Variants in LRP1B observed in about 807,000 individuals in gnomAD.
LRP1B encodes the protein low-density lipoprotein receptor-related protein 1B.
LRP1B carries 217 observed loss-of-function variants against 556.6 expected under a neutral mutation model. The ratio of observed to expected loss-of-function variants is 0.39; its 90% confidence interval spans 0.35 to 0.44. The LOEUF is 0.44. LRP1B is among the 20% of genes least tolerant of loss of function. The pLI, the probability that LRP1B is intolerant of heterozygous loss-of-function variation, is 1.00. For synonymous variants in LRP1B, 2,047 were observed against 1,865.8 expected (o/e 1.10, Z -2.50); for missense variants, 5,053 against 5,620.8 (o/e 0.90, Z 3.23).
Position 141,923,446 on chromosome 2 carries a change from A to ATATGTGTG in LRP1B, c.83-113046_83-113045insCACACATA, listed in dbSNP as rs751676259. 5.0e-3 allele frequency among the ~76,000 whole-genome samples: 408 copies of ATATGTGTG among 81,688 alleles called. 5 individuals are homozygous for ATATGTGTG. Among genetic ancestry groups the ATATGTGTG allele is most frequent in the East Asian group, 7.8e-3 (21 of 2,688 alleles). The allele number at this position is 81,688 out of a possible 152,430, so 53.6% of individuals were successfully genotyped here. The stretch of plus-strand genomic sequence containing the variant: ...ATAGTGACAAAGAGATTATATATAT[A>ATATGTGTG]TGTGTGTGTGTGTGTGTGTGTGTGT... On this transcript the variant is annotated intron_variant, in intron 1 of 90. Transcript: ENST00000389484.
At chr2:141,085,418 A>G (rs1033603162) in intron 7 of LRP1B, among the ~76,000 whole-genome samples, 2 of 152,214 alleles carry the variant, frequency 1.3e-5, no homozygotes, top group African/African-American at 2.4e-5. Flanking sequence ...TGAGGACATT[A>G]GTCTGCACAC....
chr2:140,667,770 C>A (rs940848245), intron 41 of LRP1B, among the ~76,000 whole-genome samples: 15 of 152,174 alleles, frequency 9.9e-5, no homozygotes, highest in Admixed American at 9.8e-4. Flanking sequence ...TCAGAATATA[C>A]GCTTTTTTGC....
chr2:141,649,337 A>T (rs949445733), intron 2 of LRP1B, among the ~76,000 whole-genome samples: 1 of 152,186 alleles, frequency 6.6e-6, no homozygotes, highest in Non-Finnish European at 1.5e-5. Context: ...AACTTTGAAA[A>T]TCCCATTGTT....
intron 29 of LRP1B, among the ~76,000 whole-genome samples, chr2:140,842,940 G>C (rs17517552): frequency 6.6e-6 from 1 of 151,718 alleles, no homozygotes; most frequent in Non-Finnish European, 1.5e-5. Flanking sequence ...ATATGGGGCT[G>C]AAGAATATTT....
intron 35 of LRP1B, among the ~76,000 whole-genome samples, chr2:140,764,839 C>T (rs79671283): frequency 0.015 from 2,219 of 152,246 alleles, 77 homozygotes; most frequent in Admixed American, 0.076. Flanking sequence ...TGGTGTTATA[C>T]ATTCTGTGGA....
chr2:141,914,164 A>G (rs1239590900), intron 1 of LRP1B, among the ~76,000 whole-genome samples: 1 of 152,248 alleles, frequency 6.6e-6, no homozygotes, highest in African/African-American at 2.4e-5. Flanking sequence ...GAGTAAGGTA[A>G]TGTTTATAAA....
At chr2:140,447,378 G>A (rs72897872) in intron 63 of LRP1B, among the ~76,000 whole-genome samples, 36,491 of 151,550 alleles carry the variant, frequency 0.24, 4,708 homozygotes, top group Non-Finnish European at 0.28. Flanking sequence ...CAAATATCAC[G>A]ATAAAGCATG....
chr2:141,948,911 T>A (rs951339964), intron 1 of LRP1B, among the ~76,000 whole-genome samples: 1 of 152,272 alleles, frequency 6.6e-6, no homozygotes, highest in East Asian at 1.9e-4. Context: ...AGATTCAATT[T>A]AATCTTTGAT....
chr2:141,929,806 G>A (rs2104991823), intron 1 of LRP1B, among the ~76,000 whole-genome samples: 1 of 150,138 alleles, frequency 6.7e-6, no homozygotes, highest in South Asian at 2.1e-4. Flanking sequence ...ACTGGTGTTT[G>A]CATGAACTGA....
chr2:141,810,255 T>C (rs1464795325), intron 2 of LRP1B, 24 bp downstream of exon 2: 2 of 1,610,164 alleles, frequency 1.2e-6, no homozygotes, highest in Admixed American at 1.7e-5. Flanking sequence ...TAAATCCGAA[T>C]GGCATGAGAA....
rs752632589 is a variant in LRP1B at position 140,358,106 on chromosome 2, T to A, written c.11268A>T (p.Thr3756=). 6.2e-7 allele frequency: 1 copy of A among 1,610,868 alleles called. No individual in the cohort carries two copies. The highest frequency in any genetic ancestry group is 1.1e-5 in the South Asian group (1 of 90,928). The part of the protein sequence containing the change: ...SDEDHCGGKL[T]YKARPCKKDE... ...CCTTTTTACAAGGCCTTGCTTTATA[T>A]GTCAGCTTACCTATAGAGTCATACA... The change falls in exon 74 of 91, where the codon ACA becomes ACT. Residue 3756 remains threonine (T), a synonymous_variant. Transcript: ENST00000389484.
intron 2 of LRP1B, among the ~76,000 whole-genome samples, chr2:141,565,739 T>G (rs1425386746): frequency 6.6e-6 from 1 of 152,216 alleles, no homozygotes; most frequent in Non-Finnish European, 1.5e-5. Flanking sequence ...AAGATTAAAC[T>G]AAGTTACATA....
chr2:140,319,337 C>CTAATCTCTCTCCTAA (rs1380080676), intron 82 of LRP1B, among the ~76,000 whole-genome samples: 5 of 152,100 alleles, frequency 3.3e-5, no homozygotes, highest in African/African-American at 1.2e-4. Flanking sequence ...GTGCATTATC[C>CTAATCTCTCTCCTAA]TAATCTCTCT....
At chr2:140,715,861 G>A (rs1687191376) in intron 37 of LRP1B, 112 bp downstream of exon 37, 1 of 817,914 alleles carries the variant, frequency 1.2e-6, no homozygotes, top group Non-Finnish European at 1.8e-6. Flanking sequence ...GCTTAGGTAA[G>A]ATATTCTTGA....
chr2:141,348,856 C>A (rs543697207), intron 3 of LRP1B, among the ~76,000 whole-genome samples: 1 of 152,164 alleles, frequency 6.6e-6, no homozygotes, highest in African/African-American at 2.4e-5. Context: ...CTTTCCCATG[C>A]TCTTCTCATG....
At chr2:140,960,188 A>T (rs1210766676) in intron 18 of LRP1B, among the ~76,000 whole-genome samples, 4 of 151,712 alleles carry the variant, frequency 2.6e-5, no homozygotes, top group African/African-American at 9.7e-5. Context: ...TATTTTTCAT[A>T]AAAGGAAAGC....
At chr2:141,080,282 T>A (rs1221114399) in intron 7 of LRP1B, among the ~76,000 whole-genome samples, 2 of 152,322 alleles carry the variant, frequency 1.3e-5, no homozygotes, top group Non-Finnish European at 2.9e-5. Context: ...GTGTTTTCTC[T>A]GAAATTCCAA....
chr2:140,243,843 G>A (rs1486669767), intron 87 of LRP1B, among the ~76,000 whole-genome samples: 6 of 151,064 alleles, frequency 4.0e-5, no homozygotes, highest in African/African-American at 1.5e-4. Context: ...CTTGTACCTT[G>A]AGCCTCAAGT....
At chr2:140,798,966 C>A (rs186017052) in intron 32 of LRP1B, among the ~76,000 whole-genome samples, 99 of 152,080 alleles carry the variant, frequency 6.5e-4, no homozygotes, top group African/African-American at 2.2e-3. Flanking sequence ...GTAAGTTATC[C>A]GGAACAAAGT....
Sources: gnomAD v4.1 joint callset for allele counts (sites outside exome capture counted in the v4.1 genomes callset) on GRCh38, gnomAD v4.1.1 for gene constraint, MANE v1.5 for transcripts, NCBI Gene and HGNC (gene_info 2026-07-23, HGNC 2026-07-21) for gene names.